Variants in NPAS3 observed in about 807,000 individuals in gnomAD.
NPAS3 encodes neuronal PAS domain protein 3.
NPAS3 carries 14 observed loss-of-function variants against 73.1 expected under a neutral mutation model. That is an observed-to-expected ratio of 0.19 (90% CI 0.13 to 0.30). NPAS3 has a LOEUF of 0.30. Among genes scored for constraint, NPAS3 ranks in the 10% least tolerant of loss-of-function variants. The pLI is 1.00. For synonymous variants in NPAS3, 620 were observed against 541.5 expected, an observed-to-expected ratio of 1.14 and a Z score of -2.01; for missense variants, 1,096 against 1,250.0, an observed-to-expected ratio of 0.88 and a Z score of 1.86.
chr14:32,996,069 T>C (rs1033071493), intron 1 of NPAS3, among the ~76,000 whole-genome samples: 1 of 152,206 alleles, frequency 6.6e-6, no homozygotes, highest in Non-Finnish European at 1.5e-5. Context: ...TGAGGTGGTC[T>C]CAAATGGAGA....
At chr14:33,685,406 T>G (rs1022929346) in intron 6 of NPAS3, among the ~76,000 whole-genome samples, 14 of 152,142 alleles carry the variant, frequency 9.2e-5, no homozygotes, top group African/African-American at 3.1e-4. Flanking sequence ...CCCAAACATA[T>G]CAAGACCATG....
chr14:33,502,527 C>T (rs938110637), intron 4 of NPAS3, among the ~76,000 whole-genome samples: 2 of 151,942 alleles, frequency 1.3e-5, no homozygotes, highest in Non-Finnish European at 2.9e-5. Context: ...TCTTTCTCTG[C>T]CCAAAATAAA....
intron 7 of NPAS3, among the ~76,000 whole-genome samples, chr14:33,772,109 A>C (rs2062673301): frequency 6.6e-6 from 1 of 152,220 alleles, no homozygotes; most frequent in Non-Finnish European, 1.5e-5. Flanking sequence ...TTTGAAAAAC[A>C]CCAAATTAAT....
chr14:33,460,363 T>C (rs1486183665), intron 4 of NPAS3, among the ~76,000 whole-genome samples: 1 of 152,172 alleles, frequency 6.6e-6, no homozygotes, highest in Non-Finnish European at 1.5e-5. Flanking sequence ...GTAGGCTGGC[T>C]ACCAACATTA....
At chr14:33,126,809 G>C (rs893113717) in intron 2 of NPAS3, among the ~76,000 whole-genome samples, 3 of 152,122 alleles carry the variant, frequency 2.0e-5, no homozygotes, top group Admixed American at 1.3e-4. Flanking sequence ...CTCATGTTGA[G>C]ATTTGTTCCC....
intron 3 of NPAS3, among the ~76,000 whole-genome samples, chr14:33,277,641 G>GC (rs1179595461): frequency 2.0e-5 from 3 of 152,176 alleles, no homozygotes; most frequent in Admixed American, 2.0e-4. Flanking sequence ...AAGTGATGGA[G>GC]CAAGTGATAC....
intron 6 of NPAS3, among the ~76,000 whole-genome samples, chr14:33,705,798 A>G (rs1183709090): frequency 1.3e-5 from 2 of 152,362 alleles, no homozygotes; most frequent in African/African-American, 4.8e-5. Flanking sequence ...CCACAAGAAC[A>G]ATTTTACAGG....
chr14:33,234,990 G>C (rs1398088743), intron 3 of NPAS3, among the ~76,000 whole-genome samples: 1 of 151,932 alleles, frequency 6.6e-6, no homozygotes, highest in Non-Finnish European at 1.5e-5. Flanking sequence ...CATTTAAATT[G>C]TATGTTACAA....
chr14:33,400,671 A>G (rs1246224147), intron 4 of NPAS3, among the ~76,000 whole-genome samples: 2 of 152,202 alleles, frequency 1.3e-5, no homozygotes, highest in East Asian at 1.9e-4. Flanking sequence ...AGTCAGTCCA[A>G]CTCTGAAGGC....
intron 2 of NPAS3, among the ~76,000 whole-genome samples, chr14:33,056,560 G>A (rs1190282495): frequency 6.6e-6 from 1 of 152,158 alleles, no homozygotes; most frequent in Non-Finnish European, 1.5e-5. Flanking sequence ...TGTCTTTGCT[G>A]CCATTTGCTT....
At chr14:33,142,571 CTT>C (rs2139185171) in intron 2 of NPAS3, among the ~76,000 whole-genome samples, 1 of 152,212 alleles carries the variant, frequency 6.6e-6, no homozygotes, top group East Asian at 1.9e-4. Context: ...GGAAAAAAAA[CTT>C]TGTCCTACTT....
intron 5 of NPAS3, among the ~76,000 whole-genome samples, chr14:33,659,519 G>T (rs541882923): frequency 6.6e-6 from 1 of 152,068 alleles, no homozygotes; most frequent in Non-Finnish European, 1.5e-5. Context: ...TGGCTATCCT[G>T]GGAAGTCCCT....
At position 33,656,880 on chromosome 14, in the gene NPAS3, A is replaced by G. The variant is rs1595374089; in HGVS notation, c.559-19331A>G. Among the ~76,000 whole-genome samples the G allele has an allele frequency of 4.6e-5, 7 of 152,246 alleles. No individual in the cohort carries two copies. In the South Asian group the frequency reaches 1.5e-3, roughly 32 times the overall value. On this transcript the variant is annotated intron_variant, in intron 5 of 11. Coordinates refer to ENST00000356141, the Ensembl canonical transcript of NPAS3. ...CATTTCCTTCACTTCCTCACCCATTATCCAAAGAAAATGAAATTAGTATGT... is the reference window on the plus strand; with the variant it reads ...CATTTCCTTCACTTCCTCACCCATTGTCCAAAGAAAATGAAATTAGTATGT...
At chr14:33,717,151 C>T (rs3215824) in intron 6 of NPAS3, among the ~76,000 whole-genome samples, 2 of 91,346 alleles carry the variant, frequency 2.2e-5, no homozygotes, top group Non-Finnish European at 5.0e-5. Flanking sequence ...AACCACTGTA[C>T]GATTGACATA....
At chr14:33,028,797 A>G (rs1046639571) in intron 1 of NPAS3, among the ~76,000 whole-genome samples, 31 of 152,138 alleles carry the variant, frequency 2.0e-4, no homozygotes, top group Non-Finnish European at 5.9e-5. Flanking sequence ...TGGAGGAGAT[A>G]CATACATACA....
intron 4 of NPAS3, among the ~76,000 whole-genome samples, chr14:33,488,603 A>T (rs1464259012): frequency 6.6e-6 from 1 of 152,204 alleles, no homozygotes; most frequent in Non-Finnish European, 1.5e-5. Context: ...AGTTCATCAT[A>T]TTCCTAGAGC....
intron 5 of NPAS3, among the ~76,000 whole-genome samples, chr14:33,594,547 G>A (rs567605510): frequency 6.6e-6 from 1 of 152,160 alleles, no homozygotes; most frequent in Admixed American, 6.5e-5. Context: ...CCAGTCCCTT[G>A]ACTTAGTCTC....
At chr14:33,134,161 G>A (rs58463527) in intron 2 of NPAS3, among the ~76,000 whole-genome samples, 28 of 151,782 alleles carry the variant, frequency 1.8e-4, no homozygotes, top group African/African-American at 6.5e-4. Flanking sequence ...AAATCTTTTA[G>A]GAATTTTTGG....
intron 5 of NPAS3, among the ~76,000 whole-genome samples, chr14:33,594,010 C>T (rs1270474261): frequency 6.6e-6 from 1 of 152,168 alleles, no homozygotes. Context: ...ACTAGGGTAT[C>T]TTCAAGGGCA....
Sources: allele counts gnomAD v4.1 joint callset (sites outside exome capture counted in the v4.1 genomes callset), GRCh38; gene constraint gnomAD v4.1.1; transcripts MANE v1.5; gene names NCBI Gene and HGNC (gene_info 2026-07-23, HGNC 2026-07-21).